Variants in ATG7 observed in about 807,000 individuals in gnomAD.
The protein encoded by ATG7 is autophagy related 7.
Under a neutral mutation model 82.4 loss-of-function variants are expected in ATG7, and 70 were observed. The ratio of observed to expected loss-of-function variants is 0.85; its 90% confidence interval spans 0.70 to 1.04. The LOEUF (loss-of-function observed/expected upper bound fraction) is 1.04. Ranked by LOEUF, ATG7 falls within the 50% of genes least tolerant of loss-of-function variation. ATG7 has a pLI of 0.00. For synonymous variants in ATG7, 287 were observed against 313.0 expected (o/e 0.92, Z 0.88); for missense variants, 792 against 864.3 (o/e 0.92, Z 1.05).
chr3:11,554,310 G>GT (rs2072159841), intron 20 of ATG7, among the ~76,000 whole-genome samples: 1 of 152,236 alleles, frequency 6.6e-6, no homozygotes, highest in African/African-American at 2.4e-5. Context: ...GCTCTCTAGT[G>GT]TGAGTTGGGA....
chr3:11,559,729 C>A (rs756856185), downstream of ATG7, among the ~76,000 whole-genome samples: 2 of 152,184 alleles, frequency 1.3e-5, no homozygotes, highest in Non-Finnish European at 2.9e-5. Context: ...GGTCTGTCCC[C>A]ATCTCTCAAA....
chr3:11,532,906 C>T (rs762424534), intron 20 of ATG7, among the ~76,000 whole-genome samples: 1 of 152,204 alleles, frequency 6.6e-6, no homozygotes, highest in African/African-American at 2.4e-5. Flanking sequence ...GGAGGAGGAC[C>T]TGAGTCTTGT....
intron 19 of ATG7, among the ~76,000 whole-genome samples, chr3:11,386,561 T>C (rs756213110): frequency 9.2e-5 from 14 of 152,184 alleles, no homozygotes; most frequent in Admixed American, 2.0e-4. Flanking sequence ...CTCTGCAGCC[T>C]GTGCCAGGAA....
intron 17 of ATG7, 200 bp downstream of exon 17, chr3:11,363,128 G>C (rs116799240): frequency 3.6e-4 from 196 of 541,196 alleles, no homozygotes; most frequent in African/African-American, 3.4e-3. Flanking sequence ...CCACATTTCT[G>C]CATCTTTCCG....
At chr3:11,287,714 T>G (rs959702310) in intron 3 of ATG7, among the ~76,000 whole-genome samples, 1 of 152,256 alleles carries the variant, frequency 6.6e-6, no homozygotes, top group Non-Finnish European at 1.5e-5. Context: ...ATTTACCAGT[T>G]CATAAAGAAG....
intron 20 of ATG7, chr3:11,488,358 G>A (rs1475579164): frequency 4.1e-5 from 33 of 800,504 alleles, no homozygotes; most frequent in Non-Finnish European, 5.4e-5. Context: ...CCTCCCGGGC[G>A]GCACTCGCCG....
chr3:11,369,504 A>G (rs2076854319), intron 18 of ATG7, among the ~76,000 whole-genome samples: 1 of 151,276 alleles, frequency 6.6e-6, no homozygotes, highest in East Asian at 1.9e-4. Flanking sequence ...TAACTGGCAC[A>G]AGATCACCCA....
In ATG7 at chr3:11,486,023, G is replaced by A. The variant is rs1230266270; in HGVS notation, c.2079+59097G>A. On this transcript the variant is annotated intron_variant, in intron 20 of 20. Coordinates refer to ENST00000693202, the MANE Select transcript of ATG7 (RefSeq NM_001349232.2). ...TGGCTTAGGATTGACTTGGTGATGC[G>A]GGCTCTTTTTTGGTTCCATATGAAC... 1.2e-4 allele frequency among the ~76,000 whole-genome samples: 18 copies of A among 152,206 alleles called. 1 individual carries two copies. The highest frequency in any genetic ancestry group is 3.9e-4 in the Admixed American group (6 of 15,298).
intron 20 of ATG7, among the ~76,000 whole-genome samples, chr3:11,536,329 C>T (rs1219513705): frequency 2.6e-5 from 4 of 152,334 alleles, no homozygotes; most frequent in Middle Eastern, 6.8e-3. Context: ...TCCACTTAAC[C>T]TTGCTATCAA....
the ATG7 span, among the ~76,000 whole-genome samples, chr3:11,570,725 G>C: frequency 1.3e-5 from 2 of 152,114 alleles, no homozygotes; most frequent in Non-Finnish European, 2.9e-5. Context: ...TTAAATGTTG[G>C]GCATAAACAG....
intron 20 of ATG7, among the ~76,000 whole-genome samples, chr3:11,482,844 T>G (rs2089173593): frequency 6.6e-6 from 1 of 152,038 alleles, no homozygotes; most frequent in Non-Finnish European, 1.5e-5. Flanking sequence ...TGCATATATC[T>G]TAAGTATACA....
intron 9 of ATG7, among the ~76,000 whole-genome samples, chr3:11,326,840 A>C (rs776597058): frequency 6.6e-6 from 1 of 152,212 alleles, no homozygotes; most frequent in African/African-American, 2.4e-5. Context: ...GAGTTCTCTC[A>C]CTTCTCATCC....
At chr3:11,380,142 A>C in intron 19 of ATG7, 90 bp downstream of exon 19, 1 of 1,222,876 alleles carries the variant, frequency 8.2e-7, no homozygotes, top group Non-Finnish European at 1.2e-6. Flanking sequence ...CCTTGAAACC[A>C]ACTAAGGGCT....
chr3:11,391,074 G>C (rs1029582935), intron 19 of ATG7, among the ~76,000 whole-genome samples: 4 of 152,142 alleles, frequency 2.6e-5, no homozygotes, highest in Non-Finnish European at 5.9e-5. Context: ...TTGATCTTTT[G>C]TCTGAACAGA....
At chr3:11,570,181 C>T in the ATG7 span, among the ~76,000 whole-genome samples, 10 of 152,106 alleles carry the variant, frequency 6.6e-5, no homozygotes, top group Admixed American at 6.6e-4. Flanking sequence ...GACATGCTGC[C>T]CACCACAGAC....
chr3:11,438,266 C>T (rs898551152), intron 20 of ATG7, among the ~76,000 whole-genome samples: 1 of 152,116 alleles, frequency 6.6e-6, no homozygotes, highest in African/African-American at 2.4e-5. Flanking sequence ...TGGTTCCCAC[C>T]CATCCTCCAT....
intron 20 of ATG7, among the ~76,000 whole-genome samples, chr3:11,520,300 C>T (rs2092407450): frequency 6.6e-6 from 1 of 152,164 alleles, no homozygotes; most frequent in Admixed American, 6.5e-5. Flanking sequence ...ACTTTCCCAG[C>T]AGTGTTAGAG....
intron 3 of ATG7, among the ~76,000 whole-genome samples, chr3:11,287,673 G>T (rs1293854512): frequency 2.0e-5 from 3 of 152,248 alleles, no homozygotes; most frequent in African/African-American, 7.2e-5. Flanking sequence ...TAATGATGCT[G>T]AGAGATGTGT....
intron 20 of ATG7, among the ~76,000 whole-genome samples, chr3:11,486,160 C>G (rs927274395): frequency 1.9e-4 from 29 of 152,156 alleles, no homozygotes; most frequent in Non-Finnish European, 3.7e-4. Flanking sequence ...GATATTGATT[C>G]TTCCTACCCA....
Sources: gnomAD v4.1 joint callset for allele counts (sites outside exome capture counted in the v4.1 genomes callset) on GRCh38, gnomAD v4.1.1 for gene constraint, MANE v1.5 for transcripts, NCBI Gene and HGNC (gene_info 2026-07-23, HGNC 2026-07-21) for gene names.